SPOCK3: variants seen among roughly 807,000 people sequenced by gnomAD.
SPOCK3 encodes testican-3.
Under a neutral mutation model 56.6 loss-of-function variants are expected in SPOCK3, and 30 were observed. The observed-to-expected ratio is 0.53, with a 90% CI of 0.40 to 0.72. The LOEUF is 0.72. SPOCK3 is among the 30% of genes least tolerant of loss of function. The pLI, the probability that SPOCK3 is intolerant of heterozygous loss-of-function variation, is 0.00. For synonymous variants in SPOCK3, 196 were observed against 183.3 expected, an observed-to-expected ratio of 1.07 and a Z score of -0.56; for missense variants, 527 against 530.0, an observed-to-expected ratio of 0.99 and a Z score of 0.06.
intron 7 of SPOCK3, among the ~76,000 whole-genome samples, chr4:166,767,765 A>G (rs529604976): frequency 1.3e-5 from 2 of 152,290 alleles, no homozygotes; most frequent in South Asian, 2.1e-4. Context: ...TATGTCGTTG[A>G]TCTGTCTAAT....
intron 6 of SPOCK3, among the ~76,000 whole-genome samples, chr4:166,869,911 G>T (rs1732280979): frequency 6.6e-6 from 1 of 151,982 alleles, no homozygotes; most frequent in African/African-American, 2.4e-5. Context: ...TTTATTAATT[G>T]CTGGAGGCTG....
At chr4:167,149,846 T>TATATATAC in intron 2 of SPOCK3, among the ~76,000 whole-genome samples, 1 of 150,260 alleles carries the variant, frequency 6.7e-6, no homozygotes, top group East Asian at 1.9e-4. Context: ...TATATGTATA[T>TATATATAC]ATATATATAT....
At chr4:166,740,827 G>A (rs945786536) in intron 9 of SPOCK3, among the ~76,000 whole-genome samples, 2 of 152,088 alleles carry the variant, frequency 1.3e-5, no homozygotes, top group Non-Finnish European at 2.9e-5. Flanking sequence ...TACCCAGCCA[G>A]AATGTATTAT....
intron 4 of SPOCK3, among the ~76,000 whole-genome samples, chr4:166,959,619 GAA>G (rs11290751): frequency 3.2e-4 from 47 of 145,270 alleles, no homozygotes; most frequent in East Asian, 6.0e-4. Flanking sequence ...CTCAAAAAAA[GAA>G]AAAAAAAAAA....
intron 4 of SPOCK3, among the ~76,000 whole-genome samples, chr4:166,934,528 A>C (rs1740171433): frequency 6.6e-6 from 1 of 151,930 alleles, no homozygotes; most frequent in African/African-American, 2.4e-5. Context: ...GAAAAGTCAC[A>C]CTTAATATCA....
intron 2 of SPOCK3, among the ~76,000 whole-genome samples, chr4:167,127,330 G>A (rs1239835107): frequency 3.3e-5 from 5 of 151,328 alleles, no homozygotes; most frequent in Non-Finnish European, 7.4e-5. Context: ...GTATTGCCAA[G>A]ACTACTTTCT....
intron 6 of SPOCK3, among the ~76,000 whole-genome samples, chr4:166,811,100 C>G (rs148242072): frequency 1.3e-5 from 2 of 151,652 alleles, no homozygotes; most frequent in African/African-American, 4.8e-5. Context: ...TCTCTATAAA[C>G]GATTATTCAT....
At chr4:167,163,860 G>A (rs925366995) in intron 2 of SPOCK3, among the ~76,000 whole-genome samples, 5 of 152,058 alleles carry the variant, frequency 3.3e-5, no homozygotes, top group Admixed American at 6.6e-5. Context: ...GACCTTAAAT[G>A]TGAAGATAAA....
intron 5 of SPOCK3, among the ~76,000 whole-genome samples, chr4:166,898,585 G>T (rs1158694945): frequency 6.6e-6 from 1 of 152,068 alleles, no homozygotes; most frequent in Non-Finnish European, 1.5e-5. Flanking sequence ...GAGGCTTTTG[G>T]GGCCAATTCA....
At chr4:167,124,023 G>T (rs1303327754) in intron 2 of SPOCK3, among the ~76,000 whole-genome samples, 1 of 152,054 alleles carries the variant, frequency 6.6e-6, no homozygotes, top group South Asian at 2.1e-4. Context: ...GGGATTACAG[G>T]CCTGAGCCAC....
intron 6 of SPOCK3, among the ~76,000 whole-genome samples, chr4:166,830,211 A>G (rs971203109): frequency 6.6e-6 from 1 of 152,194 alleles, no homozygotes; most frequent in Non-Finnish European, 1.5e-5. Flanking sequence ...TTGTCTCTTA[A>G]TTTGCATATT....
intron 3 of SPOCK3, among the ~76,000 whole-genome samples, chr4:167,027,498 A>G (rs1580049577): frequency 6.7e-6 from 1 of 148,820 alleles, no homozygotes; most frequent in African/African-American, 2.6e-5. Flanking sequence ...TAAAATTTCT[A>G]TGTTGTTTTA....
chr4:166,974,560 AC>A (rs1372338027), intron 4 of SPOCK3, among the ~76,000 whole-genome samples: 11 of 152,102 alleles, frequency 7.2e-5, no homozygotes, highest in African/African-American at 2.2e-4. Flanking sequence ...TTTCTTTACA[AC>A]AGAATTCCTC....
At chr4:166,743,870 G>C (rs772167344) in intron 8 of SPOCK3, among the ~76,000 whole-genome samples, 1 of 152,154 alleles carries the variant, frequency 6.6e-6, no homozygotes, top group Non-Finnish European at 1.5e-5. Context: ...CACAGCAGTC[G>C]GAGATCCAAC....
At chr4:166,742,985 G>A (rs773764042) in intron 8 of SPOCK3, among the ~76,000 whole-genome samples, 59 of 152,048 alleles carry the variant, frequency 3.9e-4, no homozygotes, top group Admixed American at 1.3e-3. Flanking sequence ...ATGTGCGTAC[G>A]TTATATGTCA....
At chr4:166,918,605 C>T (rs745619540) in intron 4 of SPOCK3, 1 of 151,946 alleles carries the variant, frequency 6.6e-6, no homozygotes, top group Admixed American at 6.6e-5. Flanking sequence ...ACCTGATTTG[C>T]TCTATATATT....
chr4:167,120,824 G>A (rs955101452), intron 2 of SPOCK3, among the ~76,000 whole-genome samples: 1 of 151,830 alleles, frequency 6.6e-6, no homozygotes, highest in Non-Finnish European at 1.5e-5. Flanking sequence ...TTTTAGAAAG[G>A]TTATTTTAAA....
At chr4:166,965,392 G>GT (rs143710160) in intron 4 of SPOCK3, among the ~76,000 whole-genome samples, 24,540 of 138,852 alleles carry the variant, frequency 0.18, 2,206 homozygotes, top group African/African-American at 0.24. Flanking sequence ...TTCTATTATT[G>GT]TTTTTTTTTT....
At chr4:166,909,643 T>A (rs1368693819) in intron 5 of SPOCK3, among the ~76,000 whole-genome samples, 1 of 152,134 alleles carries the variant, frequency 6.6e-6, no homozygotes, top group African/African-American at 2.4e-5. Context: ...AGACTCATCA[T>A]ATCTGGCTTC....
Sources: allele counts gnomAD v4.1 joint callset (sites outside exome capture counted in the v4.1 genomes callset), GRCh38; gene constraint gnomAD v4.1.1; transcripts MANE v1.5; gene names NCBI Gene and HGNC (gene_info 2026-07-23, HGNC 2026-07-21).